AKAP7: variants seen among roughly 807,000 people sequenced by gnomAD.
AKAP7 encodes the protein A kinase (PRKA) anchor protein 7.
In AKAP7, 39 loss-of-function variants were observed where a neutral mutation model predicts 39.5. The observed-to-expected ratio is 0.99, with a 90% CI of 0.76 to 1.29. The LOEUF is 1.29. Ranked by LOEUF, AKAP7 falls within the 50% of genes most tolerant of loss-of-function variation. The probability of loss-of-function intolerance (pLI) is 0.00; values close to 1 mark genes in which losing one functional copy is unlikely to be tolerated. For synonymous variants in AKAP7, 140 were observed against 139.1 expected (o/e 1.01, Z -0.05); for missense variants, 414 against 407.7 (o/e 1.02, Z -0.13).
intron 7 of AKAP7, among the ~76,000 whole-genome samples, chr6:131,235,538 G>T (rs1585145634): frequency 2.6e-5 from 4 of 152,302 alleles, no homozygotes; most frequent in Admixed American, 2.6e-4. Flanking sequence ...GTGTAAAAGT[G>T]TTCCTATTTC....
At chr6:131,205,544 G>A (rs1021157215) in intron 6 of AKAP7, among the ~76,000 whole-genome samples, 2 of 152,110 alleles carry the variant, frequency 1.3e-5, no homozygotes, top group African/African-American at 4.8e-5. Flanking sequence ...TCAATATATT[G>A]TGTTCAAAAT....
chr6:131,155,491 T>C (rs962990213), intron 2 of AKAP7, among the ~76,000 whole-genome samples: 1 of 152,224 alleles, frequency 6.6e-6, no homozygotes, highest in African/African-American at 2.4e-5. Flanking sequence ...TGATGGTCAT[T>C]GGGTTGATCT....
In AKAP7 at chr6:131,135,565, G is replaced by A; in HGVS notation, c.-199G>A. 3.8e-6 allele frequency: 1 copy of A among 260,846 alleles called. No homozygotes were observed. The allele number at this position is 260,846 out of a possible 1,614,324, so 16.2% of individuals were successfully genotyped here. A position where few individuals can be genotyped will look rare whatever the true frequency, so the allele number is the denominator to read the frequency against. On this transcript the variant is annotated 5_prime_UTR_variant, in exon 1 of 8. Coordinates refer to ENST00000431975, the MANE Select transcript of AKAP7 (RefSeq NM_016377.4). ...TGCCGCGGGGGCTGCGGCTTGGGAAGCTCCGCGCTTCCGCAGGCCTGGCCT... is the reference window on the plus strand; with the variant it reads ...TGCCGCGGGGGCTGCGGCTTGGGAAACTCCGCGCTTCCGCAGGCCTGGCCT...
At chr6:131,234,634 A>G (rs184673236) in intron 7 of AKAP7, among the ~76,000 whole-genome samples, 240 of 144,468 alleles carry the variant, frequency 1.7e-3, no homozygotes, top group African/African-American at 5.8e-3. Context: ...AAATATTTTT[A>G]TTTGCTTTTT....
chr6:131,251,425 T>C (rs1419879655), intron 7 of AKAP7, among the ~76,000 whole-genome samples: 1 of 152,240 alleles, frequency 6.6e-6, no homozygotes, highest in Non-Finnish European at 1.5e-5. Flanking sequence ...TTGCTAAATT[T>C]GCAACCACAT....
rs1173765302 is a variant in AKAP7, at chr6:131,135,670, T to G, written c.-94T>G. On this transcript the variant is annotated 5_prime_UTR_variant, in exon 1 of 8. Transcript: ENST00000431975. ...CGCCCTCAGGCCCCGAGCCCCGCCC[T>G]GGCCTCCGCCTCGGCCTCGCCTCCA... 4 of 1,058,420 alleles carry G rather than the reference T, an allele frequency of 3.8e-6. No homozygotes were observed. The highest frequency in any genetic ancestry group is 5.3e-5 in the Admixed American group (1 of 18,778). The allele number at this position is 1,058,420 out of a possible 1,614,324, so 65.6% of individuals were successfully genotyped here. A position where few individuals can be genotyped will look rare whatever the true frequency, so the allele number is the denominator to read the frequency against.
intron 5 of AKAP7, among the ~76,000 whole-genome samples, chr6:131,189,137 G>C (rs1255386977): frequency 6.6e-6 from 1 of 152,188 alleles, no homozygotes; most frequent in African/African-American, 2.4e-5. Context: ...GCTGGGAGCA[G>C]CTCGCTGCTG....
intron 7 of AKAP7, among the ~76,000 whole-genome samples, chr6:131,236,565 T>A (rs1811076852): frequency 6.6e-6 from 1 of 152,216 alleles, no homozygotes; most frequent in Admixed American, 6.5e-5. Context: ...TTTGTTTGTA[T>A]CCTCTTTTAT....
chr6:131,236,783 T>C (rs966941792), intron 7 of AKAP7, among the ~76,000 whole-genome samples: 11 of 152,242 alleles, frequency 7.2e-5, no homozygotes, highest in Non-Finnish European at 1.2e-4. Flanking sequence ...TGAAGTTGCC[T>C]ATCAGCTTAA....
rs9492882 is a variant in AKAP7 at position 131,249,113 on chromosome 6, A to C, written c.850+29305A>C. 9.3e-3 allele frequency among the ~76,000 whole-genome samples: 1,412 copies of C among 152,298 alleles called. 19 individuals carry two copies. The highest frequency in any genetic ancestry group is 0.03 in the African/African-American group (1,253 of 41,552). ...CTAAACATTAATTTTAATTATGTGG[A>C]TAGACCTGCCAGTTTAATCAGTCAG... On this transcript the variant is annotated intron_variant, in intron 7 of 7. Coordinates refer to ENST00000431975, the MANE Select transcript of AKAP7 (RefSeq NM_016377.4).
At chr6:131,220,257 C>T (rs538949768) in intron 7 of AKAP7, among the ~76,000 whole-genome samples, 2 of 152,260 alleles carry the variant, frequency 1.3e-5, no homozygotes, top group Admixed American at 1.3e-4. Context: ...TTGAAAACTT[C>T]ACTTTCTTCC....
At chr6:131,245,658 A>T (rs1463574273) in intron 7 of AKAP7, among the ~76,000 whole-genome samples, 2 of 152,108 alleles carry the variant, frequency 1.3e-5, no homozygotes, top group Non-Finnish European at 2.9e-5. Context: ...CTTGAACTTA[A>T]CATACATTTT....
chr6:131,263,462 G>A (rs1003507366), intron 7 of AKAP7, among the ~76,000 whole-genome samples: 2 of 152,162 alleles, frequency 1.3e-5, no homozygotes, highest in African/African-American at 4.8e-5. Flanking sequence ...AAAGGTACAG[G>A]TTGTAAACTA....
rs1801398657 is a variant in AKAP7, at chr6:131,145,379, G to T, written c.114G>T (p.Met38Ile). 2 of 1,565,182 alleles carry T rather than the reference G, an allele frequency of 1.3e-6. No individual in the cohort carries two copies. Among genetic ancestry groups the T allele is most frequent in the South Asian group, 2.5e-5 (2 of 81,026 alleles). The change falls in exon 2 of 8, where the codon ATG (methionine) becomes ATT (isoleucine). Residue 38 changes from methionine (M) to isoleucine (I), a missense_variant. Met to Ile is a conservative substitution (Grantham distance 10). Coordinates refer to ENST00000431975, the MANE Select transcript of AKAP7 (RefSeq NM_016377.4). ...EANTMDSLVD[M>I]PFATVDIQDD... Reference sequence around the variant, plus strand: ...ATACTATGGATTCTCTGGTAGACATGCCATTTGCTACTGTAGATATTCAGG... The same window carrying T: ...ATACTATGGATTCTCTGGTAGACATTCCATTTGCTACTGTAGATATTCAGG...
At chr6:131,250,716 C>A in intron 7 of AKAP7, 1 of 1,163,324 alleles carries the variant, frequency 8.6e-7, no homozygotes, top group Admixed American at 1.8e-5. Flanking sequence ...GGAAGGATAG[C>A]AGACTAATCA....
chr6:131,250,091 G>C, intron 7 of AKAP7: 1 of 844,570 alleles, frequency 1.2e-6, no homozygotes, highest in Non-Finnish European at 1.4e-6. Flanking sequence ...AGGGATAAAA[G>C]AAGGCTCTTC....
chr6:131,164,294 G>A (rs920687489), intron 3 of AKAP7: 3 of 441,758 alleles, frequency 6.8e-6, no homozygotes, highest in Admixed American at 2.4e-5. Context: ...TTGCTATTTT[G>A]TATTCAGACT....
chr6:131,270,904 C>T (rs563229983), intron 7 of AKAP7, among the ~76,000 whole-genome samples: 2 of 152,112 alleles, frequency 1.3e-5, no homozygotes, highest in African/African-American at 4.8e-5. Flanking sequence ...TTATTTTGGC[C>T]GTTTTTGTAT....
At chr6:131,143,093 A>G (rs893983391) in intron 1 of AKAP7, among the ~76,000 whole-genome samples, 2 of 152,236 alleles carry the variant, frequency 1.3e-5, no homozygotes, top group Non-Finnish European at 1.5e-5. Context: ...CATAGGTGGA[A>G]GAAACTTACC....
Sources: gnomAD v4.1 joint callset for allele counts (sites outside exome capture counted in the v4.1 genomes callset) on GRCh38, gnomAD v4.1.1 for gene constraint, MANE v1.5 for transcripts, NCBI Gene and HGNC (gene_info 2026-07-23, HGNC 2026-07-21) for gene names.